Variants in PSMC1 observed in about 807,000 individuals in gnomAD.
PSMC1 encodes the protein 26S proteasome regulatory subunit 4.
Under a neutral mutation model 49.8 loss-of-function variants are expected in PSMC1, and 5 were observed. The observed-to-expected ratio is 0.10, with a 90% CI of 0.05 to 0.21. PSMC1 has a LOEUF of 0.21. Ranked by LOEUF, PSMC1 falls within the 10% of genes least tolerant of loss-of-function variation. The pLI is 1.00. For missense variants in PSMC1, 181 were observed against 535.7 expected, an observed-to-expected ratio of 0.34 and a Z score of 6.54; for synonymous variants, 155 against 192.1, an observed-to-expected ratio of 0.81 and a Z score of 1.60.
At chr14:90,257,497 TGTG>T (rs1891317380) in intron 1 of PSMC1, among the ~76,000 whole-genome samples, 1 of 152,056 alleles carries the variant, frequency 6.6e-6, no homozygotes, top group African/African-American at 2.4e-5. Flanking sequence ...CTGAGGGAAA[TGTG>T]GTCAAGGCAG....
rs146973739 is a variant in PSMC1, at chr14:90,269,771, T to G, written c.1033+223T>G. ...GAATTCCAGTCTTATGTCTTGTCTTTTCTTTTCCATAACATTCCCTTTTTA... is the reference window on the plus strand; with the variant it reads ...GAATTCCAGTCTTATGTCTTGTCTTGTCTTTTCCATAACATTCCCTTTTTA... On this transcript the variant is annotated intron_variant, in intron 9 of 10. Coordinates refer to ENST00000261303, the MANE Select transcript of PSMC1 (RefSeq NM_002802.3). 1.4e-3 allele frequency: 608 copies of G among 447,828 alleles called. 3 individuals carry two copies. Among genetic ancestry groups the G allele is most frequent in the African/African-American group, 0.011 (532 of 49,714 alleles). 27.7% of individuals were successfully genotyped at this position (447,828 alleles called of 1,614,324 possible). A position where few individuals can be genotyped will look rare whatever the true frequency, so the allele number is the denominator to read the frequency against.
At chr14:90,265,028 A>C (rs368079900) in intron 6 of PSMC1, 42 bp from the exon 7 acceptor site, 2 of 1,419,684 alleles carry the variant, frequency 1.4e-6, no homozygotes, top group African/African-American at 2.9e-5. Flanking sequence ...TAAATATGCT[A>C]ATAATTTCAG....
In PSMC1 at chr14:90,273,757, T is replaced by C. The variant is rs192691025; in HGVS notation, c.*1350T>C. The C allele has an allele frequency of 2.5e-4, 39 of 154,824 alleles. 1 individual carries two copies. The highest frequency in any genetic ancestry group is 7.9e-4 in the African/African-American group (33 of 41,618). 9.6% of individuals were successfully genotyped at this position (154,824 alleles called of 1,614,324 possible). On this transcript the variant is annotated 3_prime_UTR_variant, in exon 11 of 11. Coordinates refer to ENST00000261303, the MANE Select transcript of PSMC1 (RefSeq NM_002802.3). ...TCTTGGAGTTGTGGGCCAGCTGAGG[T>C]CAGCATTTCCTTGCTGGCTGCCAGC... is the stretch of plus-strand genomic sequence containing the variant.
chr14:90,271,286 G>A (rs1401094914), intron 10 of PSMC1: 3 of 152,132 alleles, frequency 2.0e-5, no homozygotes, highest in African/African-American at 7.2e-5. Context: ...TTTTGCCACA[G>A]TAATTACTGG....
rs746153150 is a variant in PSMC1, at chr14:90,270,248, A to C, written c.1084A>C (p.Lys362Gln). The C allele has an allele frequency of 3.7e-6, 6 of 1,613,766 alleles. No homozygotes were observed. The highest frequency in any genetic ancestry group is 4.2e-6 in the Non-Finnish European group (5 of 1,179,858). The part of the protein sequence containing the change: ...EFPLPDEKTK[K>Q]RIFQIHTSRM... ...CCCCCTGCCTGATGAAAAGACGAAGAAGCGCATCTTTCAGATTCACACAAG... is the reference window on the plus strand; with the variant it reads ...CCCCCTGCCTGATGAAAAGACGAAGCAGCGCATCTTTCAGATTCACACAAG... Residue 362 changes from lysine (K) to glutamine (Q), a missense_variant, in exon 10 of 11, where the codon AAG becomes CAG. Physicochemically the swap from Lys to Gln is moderately conservative, Grantham distance 53 (BLOSUM62 1). This residue lies in a region of PSMC1 where 60 missense variants were observed against 155.5 expected (regional missense o/e 0.39). Coordinates refer to ENST00000261303, the MANE Select transcript of PSMC1 (RefSeq NM_002802.3).
In PSMC1 at chr14:90,269,379, C is replaced by CTTT. The variant is rs71117332; in HGVS notation, c.882-9_882-7dup. The CTTT allele has an allele frequency of 1.6e-4, 224 of 1,402,702 alleles. No individual in the cohort carries two copies. The highest frequency in any genetic ancestry group is 7.1e-4 in the South Asian group (54 of 76,446). 86.9% of individuals were successfully genotyped at this position (1,402,702 alleles called of 1,614,324 possible). On this transcript the variant is annotated splice_polypyrimidine_tract_variant and intron_variant, in intron 8 of 10. Coordinates refer to ENST00000261303, the MANE Select transcript of PSMC1 (RefSeq NM_002802.3). ...GATCAGTTGAGTCTTCATTCCTTCC[C>CTTT]TTTTTTTTTTTCCAAAGATATGACT...
rs1891706851 is a variant in PSMC1 at position 90,272,925 on chromosome 14, T to C, written c.*518T>C. 6.6e-6 allele frequency: 1 copy of C among 152,628 alleles called. No individual in the cohort carries two copies. Among genetic ancestry groups the C allele is most frequent in the African/African-American group, 2.4e-5 (1 of 41,468 alleles). The allele number at this position is 152,628 out of a possible 1,614,324, so 9.5% of individuals were successfully genotyped here. A position where few individuals can be genotyped will look rare whatever the true frequency, so the allele number is the denominator to read the frequency against. ...TTTTGGAAGTTTTGTGGACCATGCA[T>C]GTTCTTAGCACTCTGAGGGCAGAAA... is the stretch of plus-strand genomic sequence containing the variant. On this transcript the variant is annotated 3_prime_UTR_variant, in exon 11 of 11. Transcript: ENST00000261303. The surrounding 1 kb of genome is among the most constrained non-coding windows in gnomAD (Gnocchi z 4.5).
intron 1 of PSMC1, 114 bp from the exon 2 acceptor site, chr14:90,259,046 G>A (rs1891347758): frequency 3.3e-6 from 3 of 903,008 alleles, no homozygotes; most frequent in Non-Finnish European, 4.8e-6. Flanking sequence ...ATGTTCAAAT[G>A]AGGGAGAAAT....
At chr14:90,260,548 C>A (rs577987828) in intron 3 of PSMC1, among the ~76,000 whole-genome samples, 2 of 152,138 alleles carry the variant, frequency 1.3e-5, no homozygotes, top group South Asian at 4.1e-4. Flanking sequence ...TGGCAAAACA[C>A]GGTGAAACCC....
chr14:90,263,251 T>G, intron 3 of PSMC1, 67 bp from the exon 4 acceptor site: 1 of 1,476,660 alleles, frequency 6.8e-7, no homozygotes, highest in Non-Finnish European at 9.1e-7. Context: ...TTTAAAATCT[T>G]AATATTTTTT....
intron 9 of PSMC1, 85 bp downstream of exon 9, chr14:90,269,633 T>C: frequency 4.8e-6 from 7 of 1,466,972 alleles, no homozygotes; most frequent in Non-Finnish European, 6.5e-6. Context: ...TATAAAATGA[T>C]ACATAAAAAA....
At position 90,275,143 on chromosome 14, in the gene PSMC1, A is replaced by AG. The variant is rs1891775948; in HGVS notation, c.*2737dup. The AG allele has an allele frequency of 6.6e-6, 1 of 152,194 alleles. No individual in the cohort carries two copies. Among genetic ancestry groups the AG allele is most frequent in the South Asian group, 2.1e-4 (1 of 4,828 alleles). The allele number at this position is 152,194 out of a possible 1,614,324, so 9.4% of individuals were successfully genotyped here. A position where few individuals can be genotyped will look rare whatever the true frequency, so the allele number is the denominator to read the frequency against. ...TTCTACAAATTCAGAACACTTCAAA[A>AG]GTATCCACGTCTTGGAAGTCAAAAA... On this transcript the variant is annotated 3_prime_UTR_variant, in exon 11 of 11. Transcript: ENST00000261303.
chr14:90,266,253 C>CAA (rs1295099578), intron 7 of PSMC1, among the ~76,000 whole-genome samples: 4,837 of 130,834 alleles, frequency 0.037, 241 homozygotes, highest in African/African-American at 0.13. Context: ...AGACCATCTC[C>CAA]AAAAAAAAAA....
intron 7 of PSMC1, 106 bp downstream of exon 7, chr14:90,265,272 T>C (rs1490133410): frequency 3.9e-6 from 3 of 766,644 alleles, no homozygotes; most frequent in Non-Finnish European, 6.4e-6. Flanking sequence ...CACAATTCCT[T>C]AGTTTAAAAC....
Position 90,274,689 on chromosome 14 carries a change from T to C in PSMC1, c.*2282T>C, listed in dbSNP as rs866874813. The C allele has an allele frequency of 7.2e-5, 11 of 152,130 alleles. No homozygotes were observed. The highest frequency in any genetic ancestry group is 2.4e-4 in the African/African-American group (10 of 41,398). The allele number at this position is 152,130 out of a possible 1,614,324, so 9.4% of individuals were successfully genotyped here. A position where few individuals can be genotyped will look rare whatever the true frequency, so the allele number is the denominator to read the frequency against. On this transcript the variant is annotated 3_prime_UTR_variant, in exon 11 of 11. Coordinates refer to ENST00000261303, the MANE Select transcript of PSMC1 (RefSeq NM_002802.3). ...CATGTCCTAAGGACACCGAAGCCTA[T>C]GTGAAGGGGCTTCCACTGGCCAAAC...
intron 7 of PSMC1, 75 bp downstream of exon 7, chr14:90,265,241 T>C (rs1891481415): frequency 9.8e-7 from 1 of 1,021,190 alleles, no homozygotes; most frequent in Admixed American, 2.1e-5. Context: ...TTATAATTAC[T>C]GAACTAATAA....
At chr14:90,263,262 C>T (rs189839793) in intron 3 of PSMC1, 56 bp from the exon 4 acceptor site, 3 of 1,509,938 alleles carry the variant, frequency 2.0e-6, no homozygotes, top group South Asian at 2.5e-5. Context: ...AATATTTTTT[C>T]CTTACTTGCA....
chr14:90,273,525 T>C lies in PSMC1; in HGVS notation c.*1118T>C, dbSNP rs7146385. ...GTGAGCCAAGATCCCGTCACTGCAC[T>C]CCAGCCTGGGCGACAGAGCAAGACT... On this transcript the variant is annotated 3_prime_UTR_variant, in exon 11 of 11. Coordinates refer to ENST00000261303, the MANE Select transcript of PSMC1 (RefSeq NM_002802.3). 95,258 of 152,028 alleles carry C rather than the reference T, an allele frequency of 0.63. 30,740 individuals are homozygous for C. The highest frequency in any genetic ancestry group is 0.71 in the East Asian group (3,639 of 5,156). 9.4% of individuals were successfully genotyped at this position (152,028 alleles called of 1,614,324 possible).
intron 1 of PSMC1, among the ~76,000 whole-genome samples, chr14:90,258,564 C>T (rs1891338837): frequency 6.6e-6 from 1 of 152,118 alleles, no homozygotes; most frequent in Admixed American, 6.5e-5. Context: ...TATTAATACA[C>T]TAAGTTCTTA....
Sources: gnomAD v4.1 joint callset for allele counts (sites outside exome capture counted in the v4.1 genomes callset) on GRCh38, gnomAD v4.1.1 for gene constraint, gnomAD v4.1.1 regional missense constraint, Gnocchi (gnomAD v3.1) non-coding constraint, MANE v1.5 for transcripts, NCBI Gene and HGNC (gene_info 2026-07-23, HGNC 2026-07-21) for gene names.